SRPRB: variants seen among roughly 807,000 people sequenced by gnomAD.
SRPRB encodes the protein SRP receptor subunit beta.
A neutral mutation model predicts 31.9 loss-of-function variants in SRPRB; 20 were observed. That is an observed-to-expected ratio of 0.63 (90% CI 0.44 to 0.91). The LOEUF (loss-of-function observed/expected upper bound fraction) is 0.91. Among genes scored for constraint, SRPRB ranks in the 40% least tolerant of loss-of-function variants. SRPRB has a pLI of 0.00. For synonymous variants in SRPRB, 146 were observed against 132.8 expected (o/e 1.10, Z -0.68); for missense variants, 321 against 324.9 (o/e 0.99, Z 0.09).
chr3:133,820,720 T>C lies in SRPRB; in HGVS notation c.*954T>C, dbSNP rs1297900412. 6.6e-6 allele frequency: 1 copy of C among 152,194 alleles called. No homozygotes were observed. Among genetic ancestry groups the C allele is most frequent in the Non-Finnish European group, 1.5e-5 (1 of 68,030 alleles). 9.4% of individuals were successfully genotyped at this position (152,194 alleles called of 1,614,324 possible). On this transcript the variant is annotated 3_prime_UTR_variant, in exon 7 of 7. Transcript: ENST00000678299. ...CTGTCTTCTTAAACACAAGGCTTTTTTGAATGATTAGTATATTTCATGGTA... is the reference window on the plus strand; with the variant it reads ...CTGTCTTCTTAAACACAAGGCTTTTCTGAATGATTAGTATATTTCATGGTA...
chr3:133,802,819 T>C (rs1056565154), upstream of SRPRB, among the ~76,000 whole-genome samples: 1 of 152,194 alleles, frequency 6.6e-6, no homozygotes, highest in Non-Finnish European at 1.5e-5. Flanking sequence ...AGCTTTTAGA[T>C]TTCCCAGAAG....
chr3:133,811,501 T>C (rs911246719), intron 4 of SRPRB, among the ~76,000 whole-genome samples: 4 of 152,222 alleles, frequency 2.6e-5, no homozygotes, highest in Non-Finnish European at 5.9e-5. Flanking sequence ...TATATGACTA[T>C]TAAAATCTGA....
downstream of SRPRB, among the ~76,000 whole-genome samples, chr3:133,822,041 A>G (rs1457866877): frequency 6.6e-6 from 1 of 152,018 alleles, no homozygotes; most frequent in African/African-American, 2.4e-5. Flanking sequence ...TGGGAGGTCA[A>G]ATGTGCTCTC....
At position 133,819,911 on chromosome 3, in the gene SRPRB, G is replaced by T; in HGVS notation, c.*145G>T. On this transcript the variant is annotated 3_prime_UTR_variant, in exon 7 of 7. Coordinates refer to ENST00000678299, the MANE Select transcript of SRPRB (RefSeq NM_001379313.1). The stretch of plus-strand genomic sequence containing the variant: ...TGGAAACAAAGTACTGTTGAAACCA[G>T]CTTGGAATTTTTTTTTTTTTTTTTT... 1 of 710,408 alleles carries T rather than the reference G, an allele frequency of 1.4e-6. No homozygotes were observed. Among genetic ancestry groups the T allele is most frequent in the Non-Finnish European group, 2.2e-6 (1 of 449,670 alleles). 44.0% of individuals were successfully genotyped at this position (710,408 alleles called of 1,614,324 possible). A position where few individuals can be genotyped will look rare whatever the true frequency, so the allele number is the denominator to read the frequency against.
At chr3:133,807,926 T>C (rs1480855553) in intron 3 of SRPRB, 103 bp downstream of exon 3, 1 of 787,110 alleles carries the variant, frequency 1.3e-6, no homozygotes, top group African/African-American at 1.8e-5. Context: ...GTAAGTACCA[T>C]TTGTAGCTTA....
In SRPRB at chr3:133,815,686, G is replaced by T. The variant is rs1278835217; in HGVS notation, c.507G>T (p.Leu169=). The T allele has an allele frequency of 1.2e-6, 2 of 1,613,840 alleles. No individual in the cohort carries two copies. The highest frequency in any genetic ancestry group is 1.7e-6 in the Non-Finnish European group (2 of 1,179,980). Reference sequence around the variant, plus strand: ...AAGTCCTCATTGACAGTATGGGTCTGAAGAATACACCATCATTCTTAATAG... The same window carrying T: ...AAGTCCTCATTGACAGTATGGGTCTTAAGAATACACCATCATTCTTAATAG... ...LYQVLIDSMG[L]KNTPSFLIAC... Residue 169 remains leucine (L), a synonymous_variant, in exon 5 of 7, where the codon CTG becomes CTT. Transcript: ENST00000678299.
Position 133,805,929 on chromosome 3 carries a change from G to A in SRPRB, c.81G>A (p.Arg27=). 1 of 1,614,060 alleles carries A rather than the reference G, an allele frequency of 6.2e-7. No individual in the cohort carries two copies. Among genetic ancestry groups the A allele is most frequent in the Non-Finnish European group, 8.5e-7 (1 of 1,179,922 alleles). The change falls in exon 1 of 7, where the codon CGG becomes CGA. Residue 27 remains arginine (R), a synonymous_variant. Transcript: ENST00000678299. ...TCCAGCCCTACCTAGACACCTTGCG[G>A]CAGGAGCTGCAGCAGACGGACCCAA... ...GTFQPYLDTL[R]QELQQTDPTL...
downstream of SRPRB, among the ~76,000 whole-genome samples, chr3:133,822,507 A>T (rs1209055925): frequency 6.6e-6 from 1 of 152,084 alleles, no homozygotes; most frequent in African/African-American, 2.4e-5. Context: ...CAGGTGCCTG[A>T]CAGTCTACTG....
At chr3:133,803,291 A>G (rs1935089544), upstream of SRPRB, among the ~76,000 whole-genome samples, 1 of 152,152 alleles carries the variant, frequency 6.6e-6, no homozygotes, top group African/African-American at 2.4e-5. Flanking sequence ...GCGATCCCCA[A>G]ATGAAACTTC....
At chr3:133,798,791 C>T (rs925554616) in intron 1 of SRPRB, among the ~76,000 whole-genome samples, 5 of 152,116 alleles carry the variant, frequency 3.3e-5, no homozygotes, top group African/African-American at 1.2e-4. Flanking sequence ...AAACTGTAAA[C>T]TGCCTGTGAT....
chr3:133,824,691 CTT>C (rs879635092), downstream of SRPRB: 4 of 152,200 alleles, frequency 2.6e-5, no homozygotes, highest in Non-Finnish European at 5.9e-5. Flanking sequence ...TCAGAGTAGA[CTT>C]GGGGACTGGC....
At chr3:133,816,794 T>C (rs1935373757) in intron 5 of SRPRB, 84 bp from the exon 6 acceptor site, 1 of 1,063,918 alleles carries the variant, frequency 9.4e-7, no homozygotes, top group African/African-American at 1.6e-5. Context: ...CTGGTTTAAA[T>C]AGGAATTTTC....
downstream of SRPRB, chr3:133,824,553 C>CCAGA (rs771027334): frequency 3.3e-5 from 5 of 152,322 alleles, no homozygotes; most frequent in South Asian, 6.2e-4. Context: ...GGAGTGCCAA[C>CCAGA]CAGACAGGGG....
chr3:133,787,168 AT>A (rs1041235301), intron 1 of SRPRB: 1 of 152,154 alleles, frequency 6.6e-6, no homozygotes, highest in Non-Finnish European at 1.5e-5. Context: ...ATTTTGCAAC[AT>A]TTGGTCTCTA....
intron 6 of SRPRB, among the ~76,000 whole-genome samples, chr3:133,818,073 T>C (rs1534165): frequency 0.14 from 20,661 of 152,314 alleles, 1,970 homozygotes; most frequent in East Asian, 0.43. Context: ...TTTATCACCC[T>C]GTCCTCCTGT....
At chr3:133,825,578 G>C (rs1935547968), downstream of SRPRB, 2 of 152,232 alleles carry the variant, frequency 1.3e-5, no homozygotes, top group Non-Finnish European at 2.9e-5. Flanking sequence ...TCATGATTCT[G>C]ATGTCACACC....
intron 4 of SRPRB, among the ~76,000 whole-genome samples, chr3:133,813,388 CCTCT>C (rs1488953846): frequency 1.4e-4 from 22 of 152,232 alleles, no homozygotes; most frequent in Admixed American, 3.3e-4. Context: ...TTTCTTGTTT[CCTCT>C]CTATCGTATC....
chr3:133,816,881 T>G lies in SRPRB; in HGVS notation c.551T>G (p.Ile184Ser), dbSNP rs745888372. ...SFLIACNKQD[I>S]AMAKSAKLIQ... ...CAGTGTCTTTATTTCTTTACAGATA[T>G]TGCAATGGCAAAATCAGCAAAGTTA... Residue 184 changes from isoleucine to serine, a missense_variant, in exon 6 of 7, where the codon ATT becomes AGT. Coordinates refer to ENST00000678299, the MANE Select transcript of SRPRB (RefSeq NM_001379313.1). The G allele has an allele frequency of 5.6e-6, 9 of 1,607,610 alleles. No individual in the cohort carries two copies. The highest frequency in any genetic ancestry group is 7.6e-6 in the Non-Finnish European group (9 of 1,177,028).
chr3:133,798,294 A>AT (rs1935009465), intron 1 of SRPRB, among the ~76,000 whole-genome samples: 1 of 152,162 alleles, frequency 6.6e-6, no homozygotes, highest in South Asian at 2.1e-4. Context: ...GCAGATATAC[A>AT]TTTACATTTT....
Sources: gnomAD v4.1 joint callset for allele counts (sites outside exome capture counted in the v4.1 genomes callset) on GRCh38, gnomAD v4.1.1 for gene constraint, MANE v1.5 for transcripts, NCBI Gene and HGNC (gene_info 2026-07-23, HGNC 2026-07-21) for gene names.